Variants in TNRC6A observed in about 807,000 individuals in gnomAD.
TNRC6A encodes trinucleotide repeat containing adaptor 6A, also known as trinucleotide repeat-containing gene 6A protein.
In TNRC6A, 44 loss-of-function variants were observed where a neutral mutation model predicts 221.2. The observed-to-expected ratio is 0.20, with a 90% CI of 0.16 to 0.26. The LOEUF is 0.26. Ranked by LOEUF, TNRC6A falls within the 10% of genes least tolerant of loss-of-function variation. The pLI is 1.00. For synonymous variants in TNRC6A, 847 were observed against 838.5 expected, an observed-to-expected ratio of 1.01 and a Z score of -0.18; for missense variants, 2,199 against 2,404.4, an observed-to-expected ratio of 0.91 and a Z score of 1.79.
chr16:24,672,200 C>A (rs1039215688), intron 2 of TNRC6A, among the ~76,000 whole-genome samples: 1 of 152,148 alleles, frequency 6.6e-6, no homozygotes, highest in African/African-American at 2.4e-5. Context: ...CGGCTCACTG[C>A]AAGCTCCGCC....
Position 24,806,271 on chromosome 16 carries a change from G to C in TNRC6A, c.4317G>C (p.Gln1439His), listed in dbSNP as rs767877910. ...GCGTGCCTTCTGGGAACCGGCCGCA[G>C]CAAGACCAGCAGGTAGAGCCCGCCC... Reference protein sequence around the residue: ...QRSVPSGNRPQQDQQGRPLSV... With the variant: ...QRSVPSGNRPHQDQQGRPLSV... The change falls in exon 16 of 25, where the codon CAG (glutamine) becomes CAC (histidine). Residue 1439 changes from glutamine to histidine, a missense_variant. This residue lies in a region of TNRC6A where 449 missense variants were observed against 579.7 expected (regional missense o/e 0.77). Coordinates refer to ENST00000395799, the MANE Select transcript of TNRC6A (RefSeq NM_014494.4). The C allele has an allele frequency of 3.1e-6, 5 of 1,614,166 alleles. No homozygotes were observed. Among genetic ancestry groups the C allele is most frequent in the Non-Finnish European group, 4.2e-6 (5 of 1,180,026 alleles).
intron 1 of TNRC6A, among the ~76,000 whole-genome samples, chr16:24,624,964 A>G (rs1900880853): frequency 6.6e-6 from 1 of 152,250 alleles, no homozygotes; most frequent in Admixed American, 6.5e-5. Flanking sequence ...TCCCAGGGGA[A>G]GGTGCTCATG....
chr16:24,810,880 T>C (rs1222734443), intron 18 of TNRC6A, among the ~76,000 whole-genome samples: 3 of 152,104 alleles, frequency 2.0e-5, no homozygotes, highest in Non-Finnish European at 4.4e-5. Context: ...GTTTCAAAAA[T>C]TAAAAGCAGA....
At chr16:24,698,272 A>G (rs1226916108) in intron 2 of TNRC6A, among the ~76,000 whole-genome samples, 1 of 152,158 alleles carries the variant, frequency 6.6e-6, no homozygotes, top group African/African-American at 2.4e-5. Flanking sequence ...TTCATGTGGA[A>G]GAAGCGGTGG....
rs1284561404 is a variant in TNRC6A, at chr16:24,824,126, A to AAC, written c.*319_*320insAC. 1 of 25,978 alleles carries AAC rather than the reference A, an allele frequency of 3.8e-5. No individual in the cohort carries two copies. The highest frequency in any genetic ancestry group is 7.8e-5 in the Non-Finnish European group (1 of 12,890). 1.6% of individuals were successfully genotyped at this position (25,978 alleles called of 1,614,324 possible). A position where few individuals can be genotyped will look rare whatever the true frequency, so the allele number is the denominator to read the frequency against. On this transcript the variant is annotated 3_prime_UTR_variant, in exon 25 of 25. Coordinates refer to ENST00000395799, the MANE Select transcript of TNRC6A (RefSeq NM_014494.4). ...TTTTTTTTCCTTCTATTCCTCCCCA[A>AAC]CCCCCCCCCCCGCCCCTTTTTTTCT...
intron 2 of TNRC6A, among the ~76,000 whole-genome samples, chr16:24,702,988 T>C (rs1265275002): frequency 6.6e-6 from 1 of 151,982 alleles, no homozygotes; most frequent in Admixed American, 6.6e-5. Flanking sequence ...TGAGCCGAGA[T>C]CGCGCCACTG....
chr16:24,611,338 G>A (rs573161914), intron 1 of TNRC6A, among the ~76,000 whole-genome samples: 1 of 152,240 alleles, frequency 6.6e-6, no homozygotes, highest in Non-Finnish European at 1.5e-5. Context: ...CCCAGTTCCC[G>A]CTGTGTGTAC....
rs1406737326 is a variant in TNRC6A at position 24,643,110 on chromosome 16, A to ATATATATTTT, written n.402+2101_402+2102insTATATATTTT. Among the ~76,000 whole-genome samples, 33 of 56,800 alleles carry ATATATATTTT rather than the reference A, an allele frequency of 5.8e-4. 1 individual carries two copies. The highest frequency in any genetic ancestry group is 1.6e-3 in the South Asian group (2 of 1,256). 37.3% of individuals were successfully genotyped at this position (56,800 alleles called of 152,430 possible). On this transcript the variant is annotated intron_variant and non_coding_transcript_variant, in intron 2 of 2. Coordinates refer to the TNRC6A transcript ENST00000566108. ...ATATATATTTTATATATATATATAA[A>ATATATATTTT]ATATATATATATAAAATATATATAT...
chr16:24,750,927 G>A (rs1331646658), intron 3 of TNRC6A, 114 bp downstream of exon 3: 4 of 1,017,048 alleles, frequency 3.9e-6, no homozygotes, highest in Non-Finnish European at 4.0e-6. Context: ...CTTTAATGGA[G>A]ATTCATTTTA....
At chr16:24,774,178 C>T (rs886496653) in intron 4 of TNRC6A, among the ~76,000 whole-genome samples, 2 of 152,172 alleles carry the variant, frequency 1.3e-5, no homozygotes, top group Non-Finnish European at 2.9e-5. Context: ...TACACATAAA[C>T]CATGCCAGTA....
At position 24,792,816 on chromosome 16, in the gene TNRC6A, G is replaced by T. The variant is rs547713482; in HGVS notation, c.3176-657G>T. On this transcript the variant is annotated intron_variant, in intron 6 of 24. Transcript: ENST00000395799. ...TTTTTTTTTTTTTTTGGAGATGGAG[G>T]CTTTCTCCGTCACCCAGGCTGAAGT... 2.4e-3 allele frequency among the ~76,000 whole-genome samples: 345 copies of T among 145,788 alleles called. 8 individuals carry two copies. The highest frequency in any genetic ancestry group is 0.021 in the Admixed American group (305 of 14,620).
chr16:24,820,850 A>C (rs1431756525), intron 22 of TNRC6A, among the ~76,000 whole-genome samples: 1 of 152,150 alleles, frequency 6.6e-6, no homozygotes, highest in Non-Finnish European at 1.5e-5. Context: ...AATGACTAAC[A>C]TTGGATTTGT....
chr16:24,635,686 A>G (rs1901604867), intron 1 of TNRC6A, among the ~76,000 whole-genome samples: 1 of 152,230 alleles, frequency 6.6e-6, no homozygotes, highest in African/African-American at 2.4e-5. Flanking sequence ...CCATTTGTGT[A>G]TCTGTAAACT....
intron 1 of TNRC6A, among the ~76,000 whole-genome samples, chr16:24,638,507 G>A (rs1467034036): frequency 6.6e-6 from 1 of 152,166 alleles, no homozygotes; most frequent in Non-Finnish European, 1.5e-5. Context: ...GAGGCCAGGA[G>A]TTCAAGACCA....
At chr16:24,689,608 C>A (rs1362221861) in intron 2 of TNRC6A, among the ~76,000 whole-genome samples, 1 of 152,162 alleles carries the variant, frequency 6.6e-6, no homozygotes, top group Admixed American at 6.5e-5. Context: ...TATGTACCAG[C>A]ACTGGGCTAG....
rs759141706 is a variant in TNRC6A at position 24,823,683 on chromosome 16, C to T, written c.5765C>T (p.Pro1922Leu). ...DLHGTSLWGT[P>L]HYSTSLWGPP... is the part of the protein sequence containing the mutation. ...CACGGCACTTCACTCTGGGGGACCC[C>T]GCATTATTCCACAAGCCTGTGGGGT... is the stretch of plus-strand genomic sequence containing the variant. The change falls in exon 25 of 25, where the codon CCG (proline) becomes CTG (leucine). Residue 1922 changes from proline to leucine, a missense_variant. Physicochemically the swap from Pro to Leu is moderately conservative, Grantham distance 98. Transcript: ENST00000395799. The surrounding 1 kb of genome is among the most constrained non-coding windows in gnomAD (Gnocchi z 4.3). 15 of 1,608,694 alleles carry T rather than the reference C, an allele frequency of 9.3e-6. No individual in the cohort carries two copies. Among genetic ancestry groups the T allele is most frequent in the Admixed American group, 8.4e-5 (5 of 59,672 alleles).
intron 2 of TNRC6A, among the ~76,000 whole-genome samples, chr16:24,658,303 C>T (rs1369472656): frequency 6.6e-6 from 1 of 152,136 alleles, no homozygotes; most frequent in Non-Finnish European, 1.5e-5. Context: ...TTGCAAGGTA[C>T]AAAGCCATTT....
Position 24,823,761 on chromosome 16 carries a change from C to A in TNRC6A, c.5843C>A (p.Ala1948Asp), listed in dbSNP as rs1425210691. The A allele has an allele frequency of 6.7e-7, 1 of 1,489,434 alleles. No homozygotes were observed. Among genetic ancestry groups the A allele is most frequent in the African/African-American group, 1.4e-5 (1 of 70,540 alleles). The allele number at this position is 1,489,434 out of a possible 1,614,324, so 92.3% of individuals were successfully genotyped here. ...RGISSPSPIN[A>D]FLSVDHLGGG... ...ATTAGCAGCCCATCTCCCATTAACG[C>A]TTTTCTTTCTGTTGACCACCTGGGT... The change falls in exon 25 of 25, where the codon GCT becomes GAT. Residue 1948 changes from alanine to aspartate, a missense_variant. Ala to Asp is a moderately radical substitution (Grantham distance 126). Around this residue, in one of 8 missense-constraint regions of TNRC6A, gnomAD observed 130 missense variants for 121.7 expected, o/e 1.07. Coordinates refer to ENST00000395799, the MANE Select transcript of TNRC6A (RefSeq NM_014494.4). The surrounding 1 kb of genome is among the most constrained non-coding windows in gnomAD (Gnocchi z 4.3).
rs1423908938 is a variant in TNRC6A at position 24,658,649 on chromosome 16, A to T, written n.402+17640A>T. Among the ~76,000 whole-genome samples, 8 of 151,668 alleles carry T rather than the reference A, an allele frequency of 5.3e-5. No individual in the cohort carries two copies. In the South Asian group the frequency reaches 1.0e-3, roughly 20 times the overall value. On this transcript the variant is annotated intron_variant and non_coding_transcript_variant, in intron 2 of 2. Transcript: ENST00000566108. ...CTGGGATTACAGGTATGAGCCACAG[A>T]GCCCCACCCACCCTGTTTCTAATGT... is the stretch of plus-strand genomic sequence containing the variant.
Sources: allele counts gnomAD v4.1 joint callset (sites outside exome capture counted in the v4.1 genomes callset), GRCh38; gene constraint gnomAD v4.1.1; regional missense constraint gnomAD v4.1.1; non-coding constraint Gnocchi (gnomAD v3.1); transcripts MANE v1.5; gene names NCBI Gene and HGNC (gene_info 2026-07-23, HGNC 2026-07-21).